The following SRBD1 variants were observed in gnomAD, a reference collection of about 807,000 sequenced individuals.
SRBD1 encodes the protein S1 RNA binding domain 1.
In SRBD1, 88 loss-of-function variants were observed where a neutral mutation model predicts 115.3. That is an observed-to-expected ratio of 0.76 (90% CI 0.64 to 0.91). The LOEUF is 0.91. Ranked by LOEUF, SRBD1 falls within the 40% of genes least tolerant of loss-of-function variation. The probability of loss-of-function intolerance (pLI) is 0.00; values close to 1 mark genes in which losing one functional copy is unlikely to be tolerated. For synonymous variants in SRBD1, 509 were observed against 407.7 expected (o/e 1.25, Z -2.99); for missense variants, 1,385 against 1,177.4 (o/e 1.18, Z -2.58).
chr2:45,423,411 C>T (rs935618497), intron 16 of SRBD1, among the ~76,000 whole-genome samples: 1 of 152,088 alleles, frequency 6.6e-6, no homozygotes, highest in Admixed American at 6.5e-5. Context: ...AATGCAAAAA[C>T]ACATTATTGT....
chr2:45,595,390 C>A (rs1277455214), intron 4 of SRBD1, among the ~76,000 whole-genome samples: 4 of 152,170 alleles, frequency 2.6e-5, no homozygotes, highest in African/African-American at 9.7e-5. Context: ...AATTTCCATA[C>A]AATTAAGTTT....
chr2:45,465,877 C>T (rs1361137261), intron 16 of SRBD1, among the ~76,000 whole-genome samples: 1 of 152,164 alleles, frequency 6.6e-6, no homozygotes, highest in Admixed American at 6.5e-5. Flanking sequence ...GACACATTTT[C>T]AGTTCTGATC....
intron 9 of SRBD1, chr2:45,569,271 G>C (rs918849032): frequency 2.6e-5 from 4 of 152,198 alleles, no homozygotes; most frequent in African/African-American, 9.7e-5. Flanking sequence ...CTACTAATCA[G>C]CACAGTTTTG....
Position 45,608,262 on chromosome 2 carries a change from T to C in SRBD1, c.1-2821A>G, listed in dbSNP as rs544439411. On this transcript the variant is annotated intron_variant, in intron 1 of 20. Coordinates refer to ENST00000263736, the MANE Select transcript of SRBD1 (RefSeq NM_018079.5). ...AATATACCATGGAAAGATGAGTGAG[T>C]TGTAATATTTCTTTTCACAAATGTT... Among the ~76,000 whole-genome samples the C allele has an allele frequency of 6.6e-5, 10 of 152,238 alleles. No homozygotes were observed. The South Asian group carries it at 1.7e-3, about 25-fold the overall frequency.
rs1462536231 is a variant in SRBD1 at position 45,602,064 on chromosome 2, C to T, written c.100G>A (p.Asp34Asn). ...FSELSSASEE[D>N]DKEDSAWEPQ... is the part of the protein sequence containing the mutation. The stretch of plus-strand genomic sequence containing the variant: ...TCCCAGGCACTATCTTCCTTGTCAT[C>T]TTCTTCAGAGGCAGATGATCTAGAA... The change falls in exon 3 of 21, where the codon GAT (aspartate) becomes AAT (asparagine). Residue 34 changes from aspartate (D) to asparagine (N), a missense_variant. By Grantham distance (23) the Asp-to-Asn change is conservative. Coordinates refer to ENST00000263736, the MANE Select transcript of SRBD1 (RefSeq NM_018079.5). The T allele has an allele frequency of 1.2e-6, 2 of 1,613,762 alleles. No homozygotes were observed. Among genetic ancestry groups the T allele is most frequent in the Non-Finnish European group, 1.7e-6 (2 of 1,179,850 alleles).
At chr2:45,554,737 G>A (rs1050245936) in intron 10 of SRBD1, among the ~76,000 whole-genome samples, 4 of 152,030 alleles carry the variant, frequency 2.6e-5, no homozygotes, top group African/African-American at 7.2e-5. Context: ...AAACCAAGCT[G>A]GCAGCACATT....
chr2:45,461,494 T>C (rs1157894481), intron 16 of SRBD1, among the ~76,000 whole-genome samples: 2 of 152,160 alleles, frequency 1.3e-5, no homozygotes, highest in Non-Finnish European at 2.9e-5. Context: ...TCAATGGCTG[T>C]TTATGAGTAT....
chr2:45,577,953 A>C (rs1673230804), intron 7 of SRBD1, among the ~76,000 whole-genome samples: 1 of 152,184 alleles, frequency 6.6e-6, no homozygotes. Flanking sequence ...TACTACTGTA[A>C]CTGTGCTAGA....
intron 9 of SRBD1, among the ~76,000 whole-genome samples, chr2:45,566,220 G>C (rs914661850): frequency 3.3e-5 from 5 of 152,094 alleles, no homozygotes; most frequent in South Asian, 2.1e-4. Flanking sequence ...ATATATCCAA[G>C]AGAAATAAAA....
rs75772880 is a variant in SRBD1 at position 45,530,560 on chromosome 2, T to A, written c.1874+16172A>T. 6.4e-3 allele frequency among the ~76,000 whole-genome samples: 978 copies of A among 152,182 alleles called. 7 individuals are homozygous for A. Among genetic ancestry groups the A allele is most frequent in the Non-Finnish European group, 8.7e-3 (593 of 67,946 alleles). On this transcript the variant is annotated intron_variant, in intron 14 of 20. Coordinates refer to ENST00000263736, the MANE Select transcript of SRBD1 (RefSeq NM_018079.5). The stretch of plus-strand genomic sequence containing the variant: ...ATATCATGCTTCACTGTCTCCTGTC[T>A]ATGACTATGATGGGTCATATCAAAT...
intron 16 of SRBD1, among the ~76,000 whole-genome samples, chr2:45,453,438 T>C (rs183316571): frequency 1.3e-4 from 20 of 152,024 alleles, no homozygotes; most frequent in Middle Eastern, 3.4e-3. Context: ...CATTATAGTA[T>C]ACAGAAAATA....
intron 14 of SRBD1, among the ~76,000 whole-genome samples, chr2:45,517,436 TA>T (rs1671153969): frequency 6.6e-6 from 1 of 152,178 alleles, no homozygotes; most frequent in African/African-American, 2.4e-5. Context: ...GCAGAGCAAC[TA>T]AAAGCAGAAA....
intron 4 of SRBD1, among the ~76,000 whole-genome samples, chr2:45,590,083 C>A (rs561113885): frequency 6.6e-6 from 1 of 152,250 alleles, no homozygotes; most frequent in African/African-American, 2.4e-5. Context: ...ACATCAAAAG[C>A]CTCTGATGAG....
chr2:45,559,658 A>C (rs1275776456), intron 10 of SRBD1, among the ~76,000 whole-genome samples: 1 of 152,212 alleles, frequency 6.6e-6, no homozygotes, highest in Non-Finnish European at 1.5e-5. Context: ...AGGAACTAGA[A>C]GATTCATCAA....
intron 15 of SRBD1, among the ~76,000 whole-genome samples, chr2:45,484,342 G>C (rs1670051922): frequency 6.6e-6 from 1 of 151,978 alleles, no homozygotes; most frequent in Non-Finnish European, 1.5e-5. Flanking sequence ...CTCTTGTATT[G>C]GCAGAATCCT....
intron 14 of SRBD1, among the ~76,000 whole-genome samples, chr2:45,509,598 AACACACACACACACACACACACACACAC>A (rs1179307941): frequency 8.0e-6 from 1 of 125,440 alleles, no homozygotes; most frequent in African/African-American, 3.0e-5. Context: ...TCCGTCTCAA[AACACACACACACACACACACACACACAC>A]ACACACACAC....
chr2:45,404,658 A>C (rs1008729558), intron 19 of SRBD1, among the ~76,000 whole-genome samples: 11 of 152,120 alleles, frequency 7.2e-5, no homozygotes, highest in Non-Finnish European at 4.4e-5. Flanking sequence ...GGATTACAGC[A>C]ATTAGTTTAA....
At chr2:45,609,639 T>G (rs1338431300) in intron 1 of SRBD1, among the ~76,000 whole-genome samples, 2 of 152,180 alleles carry the variant, frequency 1.3e-5, no homozygotes, top group East Asian at 3.8e-4. Context: ...TCAGCTCTTG[T>G]CATAACATTC....
Position 45,476,993 on chromosome 2 carries a change from C to T in SRBD1, c.2049G>A (p.Gln683=). Residue 683 remains glutamine (Q), a splice_region_variant and synonymous_variant, in exon 16 of 21, where the codon CAG becomes CAA. Coordinates refer to ENST00000263736, the MANE Select transcript of SRBD1 (RefSeq NM_018079.5). The part of the protein sequence containing the change: ...EPKHIGVGMY[Q]HDVSQTLLKA... ...AATTAAATGATCCACATAGCTTTAC[C>T]TGATACATTCCAACTCCAATGTGCT... The T allele has an allele frequency of 6.2e-7, 1 of 1,613,290 alleles. No individual in the cohort carries two copies. Among genetic ancestry groups the T allele is most frequent in the Non-Finnish European group, 8.5e-7 (1 of 1,179,554 alleles).
Sources: gnomAD v4.1 joint callset for allele counts (sites outside exome capture counted in the v4.1 genomes callset) on GRCh38, gnomAD v4.1.1 for gene constraint, MANE v1.5 for transcripts, NCBI Gene and HGNC (gene_info 2026-07-23, HGNC 2026-07-21) for gene names.